CDH18: variants seen among roughly 807,000 people sequenced by gnomAD.
The protein encoded by CDH18 is cadherin 18.
Under a neutral mutation model 67.9 loss-of-function variants are expected in CDH18, and 31 were observed. That is an observed-to-expected ratio of 0.46 (90% CI 0.34 to 0.62). The LOEUF (loss-of-function observed/expected upper bound fraction) is 0.62. Ranked by LOEUF, CDH18 falls within the 20% of genes least tolerant of loss-of-function variation. CDH18 has a pLI of 0.01. For synonymous variants in CDH18, 362 were observed against 347.2 expected (o/e 1.04, Z -0.48); for missense variants, 890 against 975.5 (o/e 0.91, Z 1.17).
intron 9 of CDH18, among the ~76,000 whole-genome samples, chr5:19,529,895 A>G (rs1354078560): frequency 1.3e-5 from 2 of 152,154 alleles, no homozygotes; most frequent in African/African-American, 4.8e-5. Flanking sequence ...GATTCAGTGT[A>G]ATACCAACCA....
intron 2 of CDH18, among the ~76,000 whole-genome samples, chr5:19,849,784 G>C (rs1428859870): frequency 1.5e-5 from 2 of 133,412 alleles, no homozygotes; most frequent in African/African-American, 5.8e-5. Context: ...ATATATATAT[G>C]AACATATATA....
At chr5:20,287,976 C>T (rs938024147) in intron 1 of CDH18, among the ~76,000 whole-genome samples, 2 of 151,664 alleles carry the variant, frequency 1.3e-5, no homozygotes, top group South Asian at 2.1e-4. Flanking sequence ...ATGTATAAAG[C>T]GTTGCATAAT....
chr5:20,560,237 C>CTA (rs774180899), intron 1 of CDH18, among the ~76,000 whole-genome samples: 4 of 152,020 alleles, frequency 2.6e-5, no homozygotes, highest in Non-Finnish European at 4.4e-5. Context: ...TTCTTATGGA[C>CTA]TTTCATGACT....
At chr5:19,921,485 C>G (rs1176250266) in intron 2 of CDH18, among the ~76,000 whole-genome samples, 1 of 150,416 alleles carries the variant, frequency 6.6e-6, no homozygotes, top group Non-Finnish European at 1.5e-5. Flanking sequence ...GAGCCGAGAT[C>G]GCTCCACTGC....
At chr5:20,023,647 A>G (rs1461552950) in intron 2 of CDH18, among the ~76,000 whole-genome samples, 29 of 124,238 alleles carry the variant, frequency 2.3e-4, no homozygotes, top group African/African-American at 8.9e-4. Context: ...CGACAGAGCG[A>G]GACTCCGTCT....
intron 2 of CDH18, among the ~76,000 whole-genome samples, chr5:20,232,075 C>A (rs1413354570): frequency 2.0e-5 from 3 of 151,908 alleles, no homozygotes; most frequent in Non-Finnish European, 2.9e-5. Context: ...AAGAGCAAAA[C>A]AAGCGAAGCA....
At chr5:20,126,433 T>C (rs1406644241) in intron 2 of CDH18, among the ~76,000 whole-genome samples, 2 of 152,072 alleles carry the variant, frequency 1.3e-5, no homozygotes, top group South Asian at 2.1e-4. Flanking sequence ...CTGAAACACA[T>C]AGGCACCAAA....
At chr5:20,275,794 G>A (rs1745765737) in intron 1 of CDH18, among the ~76,000 whole-genome samples, 1 of 152,148 alleles carries the variant, frequency 6.6e-6, no homozygotes, top group Non-Finnish European at 1.5e-5. Context: ...GGCTCTGAAT[G>A]GGATAGGAAA....
intron 2 of CDH18, among the ~76,000 whole-genome samples, chr5:20,084,607 G>A (rs1449082242): frequency 3.4e-4 from 51 of 152,194 alleles, no homozygotes. Flanking sequence ...CTCCATGAGA[G>A]CCCTGTCCCT....
intron 5 of CDH18, among the ~76,000 whole-genome samples, chr5:19,685,727 C>A (rs546011732): frequency 6.6e-6 from 1 of 152,260 alleles, no homozygotes; most frequent in Non-Finnish European, 1.5e-5. Flanking sequence ...ATCATTGTCC[C>A]ATTTGGCTTT....
At chr5:19,617,861 G>A (rs902028946) in intron 5 of CDH18, among the ~76,000 whole-genome samples, 2 of 152,158 alleles carry the variant, frequency 1.3e-5, no homozygotes, top group Non-Finnish European at 2.9e-5. Context: ...CATTGAAAAT[G>A]CATCTGTGAT....
At chr5:20,511,270 TAG>T (rs1561079965) in intron 1 of CDH18, among the ~76,000 whole-genome samples, 1 of 152,136 alleles carries the variant, frequency 6.6e-6, no homozygotes, top group Admixed American at 6.6e-5. Context: ...TTCAAAAGTA[TAG>T]AAAGTACTAA....
At chr5:19,668,142 T>C (rs1405606889) in intron 5 of CDH18, among the ~76,000 whole-genome samples, 1 of 152,056 alleles carries the variant, frequency 6.6e-6, no homozygotes, top group Non-Finnish European at 1.5e-5. Context: ...AAATCTGAAA[T>C]AATTGCTTGG....
chr5:19,545,917 A>C (rs1206265527), intron 8 of CDH18, among the ~76,000 whole-genome samples: 2 of 152,212 alleles, frequency 1.3e-5, no homozygotes, highest in Non-Finnish European at 2.9e-5. Context: ...GAACAGAATT[A>C]TAAGAGAAAA....
At chr5:20,079,951 A>G (rs577959589) in intron 2 of CDH18, among the ~76,000 whole-genome samples, 2 of 152,268 alleles carry the variant, frequency 1.3e-5, no homozygotes, top group South Asian at 2.1e-4. Flanking sequence ...GTCTCTCCCT[A>G]TAAGTCACCA....
intron 2 of CDH18, among the ~76,000 whole-genome samples, chr5:19,853,370 C>A (rs1783922319): frequency 6.6e-6 from 1 of 152,070 alleles, no homozygotes. Flanking sequence ...ACCATAATTA[C>A]TTGCTTAGAG....
At chr5:20,187,390 T>C (rs1738184264) in intron 2 of CDH18, among the ~76,000 whole-genome samples, 1 of 151,908 alleles carries the variant, frequency 6.6e-6, no homozygotes, top group South Asian at 2.1e-4. Flanking sequence ...GAATGTACTA[T>C]AAAATTTCTT....
At chr5:20,345,699 T>C (rs1740643565) in intron 1 of CDH18, among the ~76,000 whole-genome samples, 1 of 152,070 alleles carries the variant, frequency 6.6e-6, no homozygotes, top group Non-Finnish European at 1.5e-5. Flanking sequence ...AATTGTTAGA[T>C]TTGCCATGAA....
chr5:19,520,014 C>T (rs1274901475), intron 10 of CDH18, among the ~76,000 whole-genome samples: 3 of 152,042 alleles, frequency 2.0e-5, no homozygotes, highest in Admixed American at 6.6e-5. Context: ...TTTTAAGTTG[C>T]GGATTTTGTA....
Sources: gnomAD v4.1 joint callset for allele counts (sites outside exome capture counted in the v4.1 genomes callset) on GRCh38, gnomAD v4.1.1 for gene constraint, MANE v1.5 for transcripts, NCBI Gene and HGNC (gene_info 2026-07-23, HGNC 2026-07-21) for gene names.